Variants in EFR3A observed in about 807,000 individuals in gnomAD.
EFR3A encodes protein EFR3 homolog A.
In EFR3A, 76 loss-of-function variants were observed where a neutral mutation model predicts 104.4. That is an observed-to-expected ratio of 0.73 (90% confidence interval 0.60 to 0.88). The LOEUF is 0.88. EFR3A is among the 40% of genes least tolerant of loss of function. The pLI, the probability that EFR3A is intolerant of heterozygous loss-of-function variation, is 0.00. For missense variants in EFR3A, 985 were observed against 1,012.5 expected, an observed-to-expected ratio of 0.97 and a Z score of 0.37; for synonymous variants, 330 against 330.0, an observed-to-expected ratio of 1.00 and a Z score of 0.00.
At position 131,970,456 on chromosome 8, in the gene EFR3A, A is replaced by G; in HGVS notation, c.992-20A>G. 4 of 1,609,082 alleles carry G rather than the reference A, an allele frequency of 2.5e-6. No homozygotes were observed. The highest frequency in any genetic ancestry group is 3.4e-6 in the Non-Finnish European group (4 of 1,176,824). ...CAATACTAGAAACATGTATCTTCTC[A>G]CATAAGTGATCCTTTATAGGTCCGA... is the stretch of plus-strand genomic sequence containing the variant. On this transcript the variant is annotated intron_variant, in intron 9 of 22. Transcript: ENST00000254624.
At position 131,946,636 on chromosome 8, in the gene EFR3A, G is replaced by A. The variant is rs375297823; in HGVS notation, c.366+3G>A. On this transcript the variant is annotated splice_donor_region_variant and intron_variant, in intron 4 of 22. Transcript: ENST00000254624. ...TTCAAGTTCTTGGAACAAATTCTGTGAGTAAAACTATTCTGTTACTAAATG... is the reference window on the plus strand; with the variant it reads ...TTCAAGTTCTTGGAACAAATTCTGTAAGTAAAACTATTCTGTTACTAAATG... 2.5e-6 allele frequency: 4 copies of A among 1,585,638 alleles called. No homozygotes were observed. In the African/African-American group the frequency reaches 5.4e-5, roughly 22 times the overall value.
At chr8:131,918,160 G>A (rs1816832622) in intron 1 of EFR3A, among the ~76,000 whole-genome samples, 1 of 152,274 alleles carries the variant, frequency 6.6e-6, no homozygotes, top group East Asian at 1.9e-4. Flanking sequence ...GGTGGCGCAT[G>A]CCTGCAATTC....
chr8:131,945,797 C>T (rs1395052822), intron 3 of EFR3A, among the ~76,000 whole-genome samples: 2 of 152,132 alleles, frequency 1.3e-5, no homozygotes, highest in Admixed American at 6.6e-5. Flanking sequence ...ATTTCAAGTC[C>T]TTTTCTAGCT....
intron 9 of EFR3A, among the ~76,000 whole-genome samples, chr8:131,969,588 T>C (rs1563675945): frequency 6.6e-6 from 1 of 151,698 alleles, no homozygotes; most frequent in Non-Finnish European, 1.5e-5. Flanking sequence ...GTTGGTTGAA[T>C]CTGTGAATCC....
intron 22 of EFR3A, among the ~76,000 whole-genome samples, chr8:132,007,972 A>C (rs1032291237): frequency 1.1e-4 from 16 of 152,172 alleles, no homozygotes; most frequent in Non-Finnish European, 1.9e-4. Context: ...ATCAATGTCT[A>C]TGTAAAAGCT....
intron 1 of EFR3A, among the ~76,000 whole-genome samples, chr8:131,906,144 T>G (rs1167795452): frequency 6.6e-6 from 1 of 152,212 alleles, no homozygotes; most frequent in African/African-American, 2.4e-5. Context: ...TGAATAGTGT[T>G]CATATTTGCC....
chr8:131,915,397 A>G (rs1237977861), intron 1 of EFR3A, among the ~76,000 whole-genome samples: 1 of 152,178 alleles, frequency 6.6e-6, no homozygotes, highest in African/African-American at 2.4e-5. Context: ...CTAGAATCAC[A>G]AGTGTTCTTT....
In EFR3A at chr8:131,987,669, A is replaced by G. The variant is rs770281892; in HGVS notation, c.2032A>G (p.Arg678Gly). ...SLGGSGYSVERLSVPYVPQVT... is the reference protein window; with the variant it reads ...SLGGSGYSVEGLSVPYVPQVT... ...AGGTGGAAGTGGATATAGTGTTGAG[A>G]GATTGTCAGTTCCGTATGTACCACA... Residue 678 changes from arginine to glycine, a missense_variant, in exon 18 of 23, where the codon AGA becomes GGA. Coordinates refer to ENST00000254624, the MANE Select transcript of EFR3A (RefSeq NM_015137.6). 3.1e-6 allele frequency: 5 copies of G among 1,596,680 alleles called. No individual in the cohort carries two copies. Among genetic ancestry groups the G allele is most frequent in the Non-Finnish European group, 3.4e-6 (4 of 1,170,740 alleles).
intron 14 of EFR3A, among the ~76,000 whole-genome samples, chr8:131,980,070 C>T (rs1586644065): frequency 6.6e-6 from 1 of 152,084 alleles, no homozygotes; most frequent in South Asian, 2.1e-4. Context: ...TTAAGAGATA[C>T]GATAACCATG....
chr8:131,950,181 A>G lies in EFR3A; in HGVS notation c.488+91A>G, dbSNP rs1218902444. On this transcript the variant is annotated intron_variant, in intron 5 of 22. Transcript: ENST00000254624. The stretch of plus-strand genomic sequence containing the variant: ...TACATAATGATTACCAGAGGAAACA[A>G]TAATATGCCTGAAATACGGCTTTCC... 7 of 1,305,626 alleles carry G rather than the reference A, an allele frequency of 5.4e-6. No individual in the cohort carries two copies. In the African/African-American group the frequency reaches 1.1e-4, roughly 20 times the overall value. 80.9% of individuals were successfully genotyped at this position (1,305,626 alleles called of 1,614,324 possible).
chr8:131,931,300 A>C (rs1453408359), intron 1 of EFR3A, among the ~76,000 whole-genome samples: 1 of 152,182 alleles, frequency 6.6e-6, no homozygotes, highest in Non-Finnish European at 1.5e-5. Flanking sequence ...TAAAGAATAA[A>C]TACAAACAGT....
chr8:131,935,086 A>G (rs1167972495), intron 1 of EFR3A, among the ~76,000 whole-genome samples: 1 of 152,112 alleles, frequency 6.6e-6, no homozygotes, highest in Non-Finnish European at 1.5e-5. Context: ...TTTCACCTTG[A>G]TTACTGGTGG....
chr8:131,925,990 A>G (rs548178057), intron 1 of EFR3A, among the ~76,000 whole-genome samples: 6 of 152,242 alleles, frequency 3.9e-5, no homozygotes, highest in Middle Eastern at 3.4e-3. Flanking sequence ...AATAAATGCA[A>G]CAAGGTCAGT....
At chr8:131,975,054 G>T (rs1157379116) in intron 10 of EFR3A, among the ~76,000 whole-genome samples, 1 of 152,118 alleles carries the variant, frequency 6.6e-6, no homozygotes, top group Non-Finnish European at 1.5e-5. Flanking sequence ...ATAATTAAAG[G>T]TTATAAATCT....
At chr8:131,966,917 T>A (rs1819771596) in intron 8 of EFR3A, among the ~76,000 whole-genome samples, 1 of 152,218 alleles carries the variant, frequency 6.6e-6, no homozygotes, top group South Asian at 2.1e-4. Context: ...TAATACATGA[T>A]ATCATTCTTG....
chr8:131,958,007 T>C (rs1006805482), intron 7 of EFR3A, among the ~76,000 whole-genome samples: 2 of 151,902 alleles, frequency 1.3e-5, no homozygotes, highest in African/African-American at 4.8e-5. Context: ...GTGGCTATAA[T>C]TTCCCTTTGA....
chr8:131,909,857 A>G (rs1228521420), intron 1 of EFR3A, among the ~76,000 whole-genome samples: 1 of 152,184 alleles, frequency 6.6e-6, no homozygotes, highest in African/African-American at 2.4e-5. Flanking sequence ...GGGGGACAAA[A>G]TTGTCCCTGG....
At chr8:131,923,973 G>T (rs757438361) in intron 1 of EFR3A, among the ~76,000 whole-genome samples, 122 of 152,088 alleles carry the variant, frequency 8.0e-4, no homozygotes, top group Non-Finnish European at 1.5e-3. Flanking sequence ...CATTTTTGAC[G>T]TTTAGCTTGT....
chr8:131,911,763 A>G, intron 1 of EFR3A, among the ~76,000 whole-genome samples: 1 of 152,214 alleles, frequency 6.6e-6, no homozygotes, highest in East Asian at 1.9e-4. Flanking sequence ...GAATGATCTA[A>G]TGTTAATAGA....
Sources: gnomAD v4.1 joint callset for allele counts (sites outside exome capture counted in the v4.1 genomes callset) on GRCh38, gnomAD v4.1.1 for gene constraint, MANE v1.5 for transcripts, NCBI Gene and HGNC (gene_info 2026-07-23, HGNC 2026-07-21) for gene names.